The following ZNF562 variants were observed in gnomAD, a reference collection of about 807,000 sequenced individuals.
ZNF562 encodes zinc finger protein 562.
ZNF562 carries 13 observed loss-of-function variants against 17.5 expected under a neutral mutation model. The observed-to-expected ratio is 0.74, with a 90% CI of 0.48 to 1.18. The LOEUF (loss-of-function observed/expected upper bound fraction) is 1.18. Ranked by LOEUF, ZNF562 falls within the 50% of genes most tolerant of loss-of-function variation. The pLI, the probability that ZNF562 is intolerant of heterozygous loss-of-function variation, is 0.00. For synonymous variants in ZNF562, 163 were observed against 165.4 expected (o/e 0.99, Z 0.11); for missense variants, 481 against 498.5 (o/e 0.96, Z 0.33).
At position 9,653,465 on chromosome 19, in the gene ZNF562, A is replaced by T. The variant is rs1039934844; in HGVS notation, c.765T>A (p.Thr255=). 1.9e-6 allele frequency: 3 copies of T among 1,614,218 alleles called. No individual in the cohort carries two copies. The part of the protein sequence containing the change: ...SHLKQCVAVH[T]GKKSEKTKNC... ...TCTTAGTCTTTTCGGATTTCTTTCC[A>T]GTATGAACTGCTACACACTGCTTTA... The change falls in exon 6 of 6, where the codon ACT becomes ACA. Residue 255 remains threonine, a synonymous_variant. Transcript: ENST00000453372.
intron 1 of ZNF562, among the ~76,000 whole-genome samples, chr19:9,662,573 A>G (rs533410025): frequency 1.3e-4 from 20 of 151,972 alleles, no homozygotes; most frequent in Middle Eastern, 3.4e-3. Flanking sequence ...AAAAAAAAAA[A>G]AGAGAGAAAG....
chr19:9,653,421 G>T lies in ZNF562; in HGVS notation c.809C>A (p.Thr270Asn). The change falls in exon 6 of 6, where the codon ACT becomes AAT. Residue 270 changes from threonine (T) to asparagine (N), a missense_variant. Physicochemically the swap from Thr to Asn is moderately conservative, Grantham distance 65. This residue lies in a region of ZNF562 where 403 missense variants were observed against 386.4 expected (regional missense o/e 1.04). Transcript: ENST00000453372. ...ATGTGCAGAAAGTTGAGAAAAATTAGTGAAGGATTTCCCACAGTTCTTAGT... is the reference window on the plus strand; with the variant it reads ...ATGTGCAGAAAGTTGAGAAAAATTATTGAAGGATTTCCCACAGTTCTTAGT... The part of the protein sequence containing the change: ...EKTKNCGKSF[T>N]NFSQLSAHAK... The T allele has an allele frequency of 6.2e-7, 1 of 1,614,196 alleles. No homozygotes were observed. The highest frequency in any genetic ancestry group is 8.5e-7 in the Non-Finnish European group (1 of 1,180,044).
chr19:9,665,153 C>T (rs532257006), intron 1 of ZNF562, among the ~76,000 whole-genome samples: 250 of 146,928 alleles, frequency 1.7e-3, no homozygotes, highest in Admixed American at 2.4e-3. Context: ...ACCTGGGAGG[C>T]GGAGGTTGCA....
intron 1 of ZNF562, among the ~76,000 whole-genome samples, chr19:9,665,879 G>T (rs746583362): frequency 9.9e-5 from 15 of 151,812 alleles, no homozygotes; most frequent in Non-Finnish European, 1.8e-4. Context: ...AGCCAGGTGT[G>T]ATGGCGTGCA....
intron 1 of ZNF562, among the ~76,000 whole-genome samples, chr19:9,663,201 C>G (rs1208351228): frequency 6.7e-6 from 1 of 148,224 alleles, no homozygotes; most frequent in Admixed American, 6.7e-5. Flanking sequence ...GTCAGGAGAT[C>G]GAGACCATCC....
chr19:9,671,356 A>G (rs991254793), intron 1 of ZNF562, among the ~76,000 whole-genome samples: 4 of 152,144 alleles, frequency 2.6e-5, no homozygotes, highest in Non-Finnish European at 4.4e-5. Flanking sequence ...ATGTAAAGAC[A>G]TCCCTCCAAG....
At position 9,642,498 on chromosome 19, in the gene ZNF562, A is replaced by G. The variant is rs1266060961; in HGVS notation, c.*10451T>C. The G allele has an allele frequency of 1.3e-5, 2 of 151,854 alleles. No homozygotes were observed. The highest frequency in any genetic ancestry group is 2.9e-5 in the Non-Finnish European group (2 of 67,966). 9.4% of individuals were successfully genotyped at this position (151,854 alleles called of 1,614,324 possible). A position where few individuals can be genotyped will look rare whatever the true frequency, so the allele number is the denominator to read the frequency against. On this transcript the variant is annotated 3_prime_UTR_variant, in exon 6 of 6. Transcript: ENST00000453372. ...CTCTATGTTGCCTAGGCTGCCCTCAAACTCCTGAGCTCAAGCGATCATCCT... is the reference window on the plus strand; with the variant it reads ...CTCTATGTTGCCTAGGCTGCCCTCAGACTCCTGAGCTCAAGCGATCATCCT...
intron 5 of ZNF562, among the ~76,000 whole-genome samples, chr19:9,654,336 T>G (rs2043379240): frequency 6.6e-6 from 1 of 152,186 alleles, no homozygotes; most frequent in Non-Finnish European, 1.5e-5. Context: ...TTGCCTGGTC[T>G]ATAGTGCACT....
chr19:9,660,873 C>T lies in ZNF562; in HGVS notation c.-129G>A, dbSNP rs1239642029. 4 of 817,184 alleles carry T rather than the reference C, an allele frequency of 4.9e-6. No individual in the cohort carries two copies. Among genetic ancestry groups the T allele is most frequent in the African/African-American group, 3.4e-5 (2 of 58,372 alleles). 50.6% of individuals were successfully genotyped at this position (817,184 alleles called of 1,614,324 possible). On this transcript the variant is annotated splice_region_variant and 5_prime_UTR_variant, in exon 2 of 6. Coordinates refer to ENST00000453372, the MANE Select transcript of ZNF562 (RefSeq NM_001130031.2). Reference sequence around the variant, plus strand: ...CCCCTTTGTACAGGGTTATCTGAGGCCCTGTTCATACCAATCACCAAACAA... The same window carrying T: ...CCCCTTTGTACAGGGTTATCTGAGGTCCTGTTCATACCAATCACCAAACAA...
chr19:9,659,999 G>C (rs9710153), intron 2 of ZNF562, among the ~76,000 whole-genome samples: 2 of 104,652 alleles, frequency 1.9e-5, no homozygotes, highest in African/African-American at 7.6e-5. Context: ...CTGAGGCAGA[G>C]AACTGCTTGA....
At chr19:9,665,170 C>A (rs2043904403) in intron 1 of ZNF562, among the ~76,000 whole-genome samples, 1 of 147,824 alleles carries the variant, frequency 6.8e-6, no homozygotes, top group Non-Finnish European at 1.5e-5. Context: ...TGCAGTGAGC[C>A]AAGATCGTGC....
chr19:9,646,702 T>C lies in ZNF562; in HGVS notation c.*6247A>G, dbSNP rs1344982757. The stretch of plus-strand genomic sequence containing the variant: ...AAATATAAAAAGTATAAATTTTTGC[T>C]ACACATTTGGAAATAAAAACATGCC... On this transcript the variant is annotated 3_prime_UTR_variant, in exon 6 of 6. Coordinates refer to ENST00000453372, the MANE Select transcript of ZNF562 (RefSeq NM_001130031.2). 2.0e-5 allele frequency: 3 copies of C among 150,624 alleles called. No homozygotes were observed. Among genetic ancestry groups the C allele is most frequent in the African/African-American group, 7.3e-5 (3 of 41,124 alleles). The allele number at this position is 150,624 out of a possible 1,614,324, so 9.3% of individuals were successfully genotyped here.
chr19:9,674,480 A>C (rs146094896), intron 1 of ZNF562, among the ~76,000 whole-genome samples: 4,654 of 151,774 alleles, frequency 0.031, 241 homozygotes, highest in African/African-American at 0.11. Context: ...GTGCCACTGC[A>C]CTCCAGCGTG....
chr19:9,659,082 G>A (rs1288991923), intron 3 of ZNF562, among the ~76,000 whole-genome samples: 1 of 152,206 alleles, frequency 6.6e-6, no homozygotes, highest in Non-Finnish European at 1.5e-5. Context: ...TTTGATAAAA[G>A]GACACTTTCA....
In ZNF562 at chr19:9,659,417, C is replaced by G. The variant is rs2043638885; in HGVS notation, c.76G>C (p.Gly26Arg). 6.4e-7 allele frequency: 1 copy of G among 1,551,456 alleles called. No individual in the cohort carries two copies. The highest frequency in any genetic ancestry group is 8.7e-7 in the Non-Finnish European group (1 of 1,146,902). ...GACCGGTGGTCCTCTACCATCGTTC[C>G]TATCTTTGTCTTTTCTTCAAAAGGA... ...ICPFEEKTKI[G>R]TMVEDHRSNS... is the part of the protein sequence containing the mutation. The change falls in exon 3 of 6, where the codon GGA becomes CGA. Residue 26 changes from glycine (G) to arginine (R), a missense_variant. This residue lies in a region of ZNF562 where 403 missense variants were observed against 386.4 expected (regional missense o/e 1.04). Coordinates refer to ENST00000453372, the MANE Select transcript of ZNF562 (RefSeq NM_001130031.2).
In ZNF562 at chr19:9,669,730, GCGCGCACACACACACA is replaced by G. The variant is rs2044095235; in HGVS notation, c.-131+5269_-131+5284del. On this transcript the variant is annotated intron_variant, in intron 1 of 5. Transcript: ENST00000453372. Reference sequence around the variant, plus strand: ...TGCACGCGCGCGAGCGCGCGCGCGCGCGCGCACACACACACACACACACACACACACACACACACAC... The same window carrying G: ...TGCACGCGCGCGAGCGCGCGCGCGCGCACACACACACACACACACACACAC... Among the ~76,000 whole-genome samples the G allele has an allele frequency of 1.4e-4, 12 of 86,954 alleles. No homozygotes were observed. The South Asian group carries it at 2.2e-3, about 16-fold the overall frequency. 57.0% of individuals were successfully genotyped at this position (86,954 alleles called of 152,430 possible).
chr19:9,656,291 C>T (rs977704718), intron 5 of ZNF562, among the ~76,000 whole-genome samples: 36 of 152,114 alleles, frequency 2.4e-4, no homozygotes, highest in Admixed American at 1.5e-3. Context: ...AGATGGATCA[C>T]GAGGTCAGGA....
chr19:9,656,696 T>C, intron 4 of ZNF562, 43 bp from the exon 5 acceptor site: 1 of 1,579,932 alleles, frequency 6.3e-7, no homozygotes, highest in South Asian at 1.1e-5. Context: ...AAATTAGTCA[T>C]TTGTCCTTGT....
intron 2 of ZNF562, 65 bp downstream of exon 2, chr19:9,660,655 A>C: frequency 6.5e-7 from 1 of 1,526,796 alleles, no homozygotes; most frequent in Non-Finnish European, 8.9e-7. Flanking sequence ...AGCTCACTGG[A>C]CTCTTATGTT....
Sources: allele counts gnomAD v4.1 joint callset (sites outside exome capture counted in the v4.1 genomes callset), GRCh38; gene constraint gnomAD v4.1.1; regional missense constraint gnomAD v4.1.1; transcripts MANE v1.5; gene names NCBI Gene and HGNC (gene_info 2026-07-23, HGNC 2026-07-21).